The following TMEM74 variants were observed in gnomAD, a reference collection of about 807,000 sequenced individuals.
The protein encoded by TMEM74 is transmembrane protein 74.
A neutral mutation model predicts 18.1 loss-of-function variants in TMEM74; 13 were observed. The observed-to-expected ratio is 0.72, with a 90% CI of 0.47 to 1.14. The LOEUF (loss-of-function observed/expected upper bound fraction) is 1.14. Among genes scored for constraint, TMEM74 ranks in the 50% most tolerant of loss-of-function variants. The pLI, the probability that TMEM74 is intolerant of heterozygous loss-of-function variation, is 0.00. For synonymous variants in TMEM74, 159 were observed against 146.6 expected (o/e 1.08, Z -0.61); for missense variants, 372 against 375.9 (o/e 0.99, Z 0.09).
intron 1 of TMEM74, among the ~76,000 whole-genome samples, chr8:108,748,061 T>A (rs1408275491): frequency 6.6e-6 from 1 of 152,168 alleles, no homozygotes; most frequent in Non-Finnish European, 1.5e-5. Context: ...GAATGTATAT[T>A]CCTTTGGGTA....
chr8:108,657,874 A>ATG (rs1812856869), intron 1 of TMEM74, among the ~76,000 whole-genome samples: 2 of 68,670 alleles, frequency 2.9e-5, no homozygotes, highest in Non-Finnish European at 5.3e-5. Context: ...ATATATATAT[A>ATG]TATATATATA....
intron 1 of TMEM74, among the ~76,000 whole-genome samples, chr8:108,687,250 C>A (rs907911925): frequency 2.0e-5 from 3 of 151,880 alleles, no homozygotes; most frequent in Non-Finnish European, 4.4e-5. Context: ...AGCCAACAAA[C>A]CTATAAAACC....
chr8:108,731,041 C>T (rs149988690), intron 1 of TMEM74, among the ~76,000 whole-genome samples: 186 of 152,296 alleles, frequency 1.2e-3, no homozygotes, highest in African/African-American at 4.3e-3. Context: ...ACTCTAAAAA[C>T]ACCTTACCCT....
rs1158114043 is a variant in TMEM74, at chr8:108,787,503, C to G, written c.-67G>C. 6.5e-6 allele frequency: 1 copy of G among 152,758 alleles called. No homozygotes were observed. Among genetic ancestry groups the G allele is most frequent in the Non-Finnish European group, 1.5e-5 (1 of 68,528 alleles). 9.5% of individuals were successfully genotyped at this position (152,758 alleles called of 1,614,324 possible). A position where few individuals can be genotyped will look rare whatever the true frequency, so the allele number is the denominator to read the frequency against. On this transcript the variant is annotated 5_prime_UTR_variant, in exon 1 of 2. Transcript: ENST00000297459. ...TCTGCTTCGGCCACCCGGTGCGGCTCCAGCACCGCGCGCTCTCCCGGCACG... is the reference window on the plus strand; with the variant it reads ...TCTGCTTCGGCCACCCGGTGCGGCTGCAGCACCGCGCGCTCTCCCGGCACG...
At chr8:108,643,727 A>G (rs921353551) in intron 2 of TMEM74, among the ~76,000 whole-genome samples, 32 of 151,770 alleles carry the variant, frequency 2.1e-4, no homozygotes, top group African/African-American at 7.7e-4. Flanking sequence ...AAACGAAAGC[A>G]AGAATGCATA....
At chr8:108,627,315 C>A (rs945718054) in intron 2 of TMEM74, among the ~76,000 whole-genome samples, 12 of 151,878 alleles carry the variant, frequency 7.9e-5, no homozygotes, top group African/African-American at 2.9e-4. Flanking sequence ...TCTATGCCAT[C>A]TGGGAAATGA....
chr8:108,687,367 T>TAC, intron 1 of TMEM74, among the ~76,000 whole-genome samples: 1 of 114,116 alleles, frequency 8.8e-6, no homozygotes, highest in East Asian at 3.1e-4. Flanking sequence ...ACTGGGAGAA[T>TAC]TTGCGGCAAA....
chr8:108,624,260 C>T (rs1812471858), intron 2 of TMEM74, among the ~76,000 whole-genome samples: 1 of 152,038 alleles, frequency 6.6e-6, no homozygotes, highest in Admixed American at 6.6e-5. Flanking sequence ...TTAACCTGGC[C>T]TTGGCCAGTC....
chr8:108,683,670 C>A (rs1241969013), intron 1 of TMEM74, among the ~76,000 whole-genome samples: 1 of 151,886 alleles, frequency 6.6e-6, no homozygotes, highest in Non-Finnish European at 1.5e-5. Flanking sequence ...AGTGATCAGA[C>A]CAGGATAAAT....
At chr8:108,696,092 C>T (rs531233126) in intron 1 of TMEM74, among the ~76,000 whole-genome samples, 1 of 152,140 alleles carries the variant, frequency 6.6e-6, no homozygotes, top group Non-Finnish European at 1.5e-5. Context: ...TTTCCAATGA[C>T]AAAATGCTTG....
At chr8:108,670,373 A>C (rs1488546516) in intron 1 of TMEM74, among the ~76,000 whole-genome samples, 4 of 152,214 alleles carry the variant, frequency 2.6e-5, no homozygotes, top group African/African-American at 4.8e-5. Flanking sequence ...CTTTGGAAAG[A>C]AAGGAGTGTC....
At chr8:108,681,038 C>T (rs994806008) in intron 1 of TMEM74, among the ~76,000 whole-genome samples, 1 of 152,198 alleles carries the variant, frequency 6.6e-6, no homozygotes, top group African/African-American at 2.4e-5. Context: ...AATGGAAGAG[C>T]ATTCCATGCT....
At chr8:108,660,581 T>C (rs969687730) in intron 1 of TMEM74, among the ~76,000 whole-genome samples, 1 of 152,186 alleles carries the variant, frequency 6.6e-6, no homozygotes, top group Non-Finnish European at 1.5e-5. Context: ...ACATCAATAA[T>C]ATTGTCCAGG....
At chr8:108,656,261 AG>A (rs1246999271) in intron 1 of TMEM74, among the ~76,000 whole-genome samples, 2 of 152,134 alleles carry the variant, frequency 1.3e-5, no homozygotes, top group Non-Finnish European at 2.9e-5. Context: ...TTAGTGGTAA[AG>A]GTTGTAAACT....
chr8:108,730,761 T>C (rs1051426925), intron 1 of TMEM74, among the ~76,000 whole-genome samples: 1 of 151,632 alleles, frequency 6.6e-6, no homozygotes, highest in Middle Eastern at 3.2e-3. Context: ...GCCTCCCGAG[T>C]AGCTGGGACT....
In TMEM74 at chr8:108,784,257, C is replaced by T. The variant is rs1814346170; in HGVS notation, c.842G>A (p.Arg281Lys). The change falls in exon 2 of 2, where the codon AGG (arginine) becomes AAG (lysine). Residue 281 changes from arginine (R) to lysine (K), a missense_variant. Coordinates refer to ENST00000297459, the MANE Select transcript of TMEM74 (RefSeq NM_153015.3). ...GTTTTCATTCGTGCTGGTTTTCATCCTGAAGTTGAAAGAACCATAGAGTTT... is the reference window on the plus strand; with the variant it reads ...GTTTTCATTCGTGCTGGTTTTCATCTTGAAGTTGAAAGAACCATAGAGTTT... ...SAKLYGSFNFRMKTSTNENTL... is the reference protein window; with the variant it reads ...SAKLYGSFNFKMKTSTNENTL... 10 of 1,614,174 alleles carry T rather than the reference C, an allele frequency of 6.2e-6. No homozygotes were observed. The highest frequency in any genetic ancestry group is 8.5e-6 in the Non-Finnish European group (10 of 1,180,038).
chr8:108,677,056 T>C (rs187067913), intron 1 of TMEM74, among the ~76,000 whole-genome samples: 135 of 152,368 alleles, frequency 8.9e-4, no homozygotes, highest in African/African-American at 3.2e-3. Flanking sequence ...ACTTACAGTT[T>C]AACCTTCAGC....
Position 108,779,776 on chromosome 8 carries a change from T to C in TMEM74, c.*4405A>G, listed in dbSNP as rs1452942905. On this transcript the variant is annotated 3_prime_UTR_variant, in exon 2 of 2. Transcript: ENST00000297459. ...AAATGCACATAGACTTGAGTGCACA[T>C]AAATCTGCACACAAACATAAACCAC... 2.0e-5 allele frequency among the ~76,000 whole-genome samples: 3 copies of C among 152,184 alleles called. No individual in the cohort carries two copies. The highest frequency in any genetic ancestry group is 4.4e-5 in the Non-Finnish European group (3 of 68,034).
chr8:108,712,557 G>T (rs1039165), intron 1 of TMEM74, among the ~76,000 whole-genome samples: 1 of 151,922 alleles, frequency 6.6e-6, no homozygotes, highest in African/African-American at 2.4e-5. Context: ...CTCTGAGTAC[G>T]CATATCAGGC....
Sources: allele counts gnomAD v4.1 joint callset (sites outside exome capture counted in the v4.1 genomes callset), GRCh38; gene constraint gnomAD v4.1.1; transcripts MANE v1.5; gene names NCBI Gene and HGNC (gene_info 2026-07-23, HGNC 2026-07-21).